The following TMEM132D variants were observed in gnomAD, a reference collection of about 807,000 sequenced individuals.
The protein encoded by TMEM132D is mature OL transmembrane protein.
Under a neutral mutation model 62.3 loss-of-function variants are expected in TMEM132D, and 21 were observed. The ratio of observed to expected loss-of-function variants is 0.34; its 90% CI spans 0.24 to 0.49. The LOEUF is 0.49. TMEM132D is among the 20% of genes least tolerant of loss of function. The probability of loss-of-function intolerance (pLI) is 0.99; values close to 1 mark genes in which losing one functional copy is unlikely to be tolerated. For missense variants in TMEM132D, 1,346 were observed against 1,402.8 expected, an observed-to-expected ratio of 0.96 and a Z score of 0.65; for synonymous variants, 621 against 575.6, an observed-to-expected ratio of 1.08 and a Z score of -1.13.
At chr12:129,654,517 C>T (rs756575043) in intron 2 of TMEM132D, among the ~76,000 whole-genome samples, 5 of 152,084 alleles carry the variant, frequency 3.3e-5, no homozygotes, top group Admixed American at 6.5e-5. Flanking sequence ...CAATTTTATG[C>T]CTTTGGTGAC....
chr12:129,476,094 T>C (rs1272893826), intron 3 of TMEM132D, among the ~76,000 whole-genome samples: 1 of 152,216 alleles, frequency 6.6e-6, no homozygotes, highest in Non-Finnish European at 1.5e-5. Flanking sequence ...TCCTCCACAC[T>C]GTGGGGGGTT....
intron 4 of TMEM132D, 127 bp from the exon 5 acceptor site, chr12:129,209,790 C>G: frequency 7.3e-7 from 1 of 1,363,886 alleles, no homozygotes; most frequent in Non-Finnish European, 1.0e-6. Flanking sequence ...GCTCAGAAAT[C>G]CTGGCAGTCC....
rs1223877397 is a variant in TMEM132D, at chr12:129,356,348, G to A, written c.1116-18531C>T. ...ATTTTTTTGTATTTTTAGTAGAGAC[G>A]GGGTTTCACCGTTTTAGCCGGGATG... On this transcript the variant is annotated intron_variant, in intron 3 of 8. Coordinates refer to ENST00000422113, the MANE Select transcript of TMEM132D (RefSeq NM_133448.3). Among the ~76,000 whole-genome samples, 24 of 38,276 alleles carry A rather than the reference G, an allele frequency of 6.3e-4. 7 individuals are homozygous for A. The highest frequency in any genetic ancestry group is 1.3e-3 in the Non-Finnish European group (23 of 17,754). The allele number at this position is 38,276 out of a possible 152,430, so 25.1% of individuals were successfully genotyped here.
At position 129,700,260 on chromosome 12, in the gene TMEM132D, A is replaced by G. The variant is rs1459027305; in HGVS notation, c.518T>C (p.Phe173Ser). The change falls in exon 2 of 9, where the codon TTC becomes TCC. Residue 173 changes from phenylalanine to serine, a missense_variant. Physicochemically the swap from Phe to Ser is radical, Grantham distance 155. Coordinates refer to ENST00000422113, the MANE Select transcript of TMEM132D (RefSeq NM_133448.3). ...GCCCCGCACCTCTCGGGTCTCTCGG[A>G]AAGCAAAGACCCTCAGGCACGGCAG... is the stretch of plus-strand genomic sequence containing the variant. ...EKLPCLRVFA[F>S]RETREVRGSC... 1.2e-6 allele frequency: 2 copies of G among 1,613,402 alleles called. No homozygotes were observed. Among genetic ancestry groups the G allele is most frequent in the Admixed American group, 3.3e-5 (2 of 60,028 alleles).
At chr12:129,879,028 GCTT>G (rs1405818971) in intron 1 of TMEM132D, among the ~76,000 whole-genome samples, 1 of 152,184 alleles carries the variant, frequency 6.6e-6, no homozygotes, top group Non-Finnish European at 1.5e-5. Flanking sequence ...TTGACACACA[GCTT>G]CTTCATCATT....
At chr12:129,813,347 A>G (rs1555233385) in intron 1 of TMEM132D, among the ~76,000 whole-genome samples, 1 of 151,624 alleles carries the variant, frequency 6.6e-6, no homozygotes, top group Non-Finnish European at 1.5e-5. Flanking sequence ...AGACCATCCA[A>G]TTTCCCTGCT....
chr12:129,546,717 C>T (rs1295321360), intron 2 of TMEM132D, among the ~76,000 whole-genome samples: 1 of 151,824 alleles, frequency 6.6e-6, no homozygotes. Context: ...AGGAGAATTG[C>T]TTGAACCCAG....
intron 5 of TMEM132D, among the ~76,000 whole-genome samples, chr12:129,196,163 C>A (rs1050542819): frequency 5.3e-5 from 8 of 152,026 alleles, no homozygotes; most frequent in African/African-American, 1.9e-4. Flanking sequence ...GGATCTTGCC[C>A]TGGTTGTTGT....
At chr12:129,285,959 C>A (rs1315886785) in intron 4 of TMEM132D, among the ~76,000 whole-genome samples, 2 of 152,126 alleles carry the variant, frequency 1.3e-5, no homozygotes, top group African/African-American at 4.8e-5. Flanking sequence ...CCTCACATTT[C>A]TATTGATTCA....
At chr12:129,642,063 A>C (rs1385916167) in intron 2 of TMEM132D, among the ~76,000 whole-genome samples, 1 of 152,042 alleles carries the variant, frequency 6.6e-6, no homozygotes, top group East Asian at 2.0e-4. Context: ...CAGTATTCCT[A>C]GCAGAGAGAC....
intron 3 of TMEM132D, among the ~76,000 whole-genome samples, chr12:129,504,035 T>C (rs1875252761): frequency 6.6e-6 from 1 of 151,820 alleles, no homozygotes; most frequent in South Asian, 2.1e-4. Context: ...ATTGTCATCA[T>C]CATTACTGTC....
At chr12:129,518,817 T>C (rs777934126) in intron 3 of TMEM132D, among the ~76,000 whole-genome samples, 1 of 152,138 alleles carries the variant, frequency 6.6e-6, no homozygotes, top group Non-Finnish European at 1.5e-5. Context: ...TTTTTTCTAT[T>C]ATCAATAACA....
At chr12:129,347,979 G>A (rs960707631) in intron 3 of TMEM132D, among the ~76,000 whole-genome samples, 8 of 152,184 alleles carry the variant, frequency 5.3e-5, no homozygotes, top group South Asian at 2.1e-4. Context: ...GATCATTAGA[G>A]AAATGCAAAT....
intron 5 of TMEM132D, among the ~76,000 whole-genome samples, chr12:129,201,888 T>C (rs889592338): frequency 1.3e-5 from 2 of 152,166 alleles, no homozygotes; most frequent in African/African-American, 2.4e-5. Flanking sequence ...TTTTCAATCA[T>C]GTGACAATTT....
intron 3 of TMEM132D, among the ~76,000 whole-genome samples, chr12:129,396,790 A>T (rs920787542): frequency 6.6e-6 from 1 of 152,132 alleles, no homozygotes; most frequent in Non-Finnish European, 1.5e-5. Flanking sequence ...TTATACCCCC[A>T]ATTTTTTATT....
chr12:129,308,831 T>C (rs1340262960), intron 4 of TMEM132D, among the ~76,000 whole-genome samples: 1 of 152,224 alleles, frequency 6.6e-6, no homozygotes, highest in Admixed American at 6.5e-5. Flanking sequence ...ATGTCCTAGG[T>C]AAGATGTCTT....
rs563933714 is a variant in TMEM132D, at chr12:129,365,173, C to T, written c.1116-27356G>A. 5.3e-5 allele frequency among the ~76,000 whole-genome samples: 8 copies of T among 152,168 alleles called. 1 individual carries two copies. The South Asian group carries it at 8.3e-4, about 16-fold the overall frequency. On this transcript the variant is annotated intron_variant, in intron 3 of 8. Transcript: ENST00000422113. ...GTTGTCAGGTGTAGATGTTTGGGGACGCAAGCTCACTTGCTTGCTAGAGGC... is the reference window on the plus strand; with the variant it reads ...GTTGTCAGGTGTAGATGTTTGGGGATGCAAGCTCACTTGCTTGCTAGAGGC...
chr12:129,795,492 G>T (rs189382063), intron 1 of TMEM132D, among the ~76,000 whole-genome samples: 1 of 152,154 alleles, frequency 6.6e-6, no homozygotes, highest in African/African-American at 2.4e-5. Flanking sequence ...ACAGTATTTC[G>T]TGGTGCCAAG....
chr12:129,846,295 T>C (rs983507659), intron 1 of TMEM132D, among the ~76,000 whole-genome samples: 1 of 152,350 alleles, frequency 6.6e-6, no homozygotes, highest in South Asian at 2.1e-4. Context: ...TTTCCTTCTA[T>C]TTGAAAATGC....
Sources: allele counts gnomAD v4.1 joint callset (sites outside exome capture counted in the v4.1 genomes callset), GRCh38; gene constraint gnomAD v4.1.1; transcripts MANE v1.5; gene names NCBI Gene and HGNC (gene_info 2026-07-23, HGNC 2026-07-21).